Variants in EXD1 observed in about 807,000 individuals in gnomAD.
The protein encoded by EXD1 is piRNA biogenesis protein EXD1.
A neutral mutation model predicts 49.1 loss-of-function variants in EXD1; 63 were observed. The ratio of observed to expected loss-of-function variants is 1.28; its 90% CI spans 1.05 to 1.58. The LOEUF (loss-of-function observed/expected upper bound fraction) is 1.58. EXD1 is among the 40% of genes most tolerant of loss of function. The pLI is 0.00. For missense variants in EXD1, 748 were observed against 666.0 expected, an observed-to-expected ratio of 1.12 and a Z score of -1.36; for synonymous variants, 234 against 239.2, an observed-to-expected ratio of 0.98 and a Z score of 0.20.
In EXD1 at chr15:41,191,425, A is replaced by G; in HGVS notation, c.864+17T>C. ...TTGAAAAAAAATAATGTCATACAGG[A>G]CATCCTTTACACCCACCTGAATTAG... On this transcript the variant is annotated intron_variant, in intron 10 of 11. Transcript: ENST00000458580. 1.4e-6 allele frequency: 2 copies of G among 1,448,926 alleles called. No individual in the cohort carries two copies. Among genetic ancestry groups the G allele is most frequent in the East Asian group, 5.1e-5 (2 of 39,562 alleles). 89.8% of individuals were successfully genotyped at this position (1,448,926 alleles called of 1,614,324 possible).
chr15:41,189,794 G>T, intron 11 of EXD1, 143 bp downstream of exon 11: 1 of 706,768 alleles, frequency 1.4e-6, no homozygotes, highest in Non-Finnish European at 2.4e-6. Context: ...GATGGATCAT[G>T]CCCAAGCTGT....
chr15:41,230,230 C>T (rs1194763716), intron 1 of EXD1, among the ~76,000 whole-genome samples: 18 of 151,850 alleles, frequency 1.2e-4, no homozygotes, highest in African/African-American at 4.1e-4. Flanking sequence ...ATTACAGGCA[C>T]GCGGCACCAC....
intron 9 of EXD1, among the ~76,000 whole-genome samples, chr15:41,194,541 T>C (rs755374142): frequency 3.9e-5 from 6 of 152,210 alleles, no homozygotes; most frequent in Non-Finnish European, 8.8e-5. Flanking sequence ...GACTTTAGCC[T>C]AGTGAAAATG....
chr15:41,201,468 T>G (rs1370981627), intron 7 of EXD1, among the ~76,000 whole-genome samples: 1 of 150,038 alleles, frequency 6.7e-6, no homozygotes, highest in African/African-American at 2.4e-5. Context: ...CAATTTTATA[T>G]AATTTAAGAA....
chr15:41,203,772 C>T (rs1292835366), intron 7 of EXD1, among the ~76,000 whole-genome samples: 2 of 151,570 alleles, frequency 1.3e-5, no homozygotes, highest in African/African-American at 4.9e-5. Context: ...TAAACATTAG[C>T]CGGGCGTGGT....
intron 9 of EXD1, among the ~76,000 whole-genome samples, chr15:41,193,720 TG>T (rs1480728681): frequency 6.6e-6 from 1 of 151,122 alleles, no homozygotes; most frequent in Non-Finnish European, 1.5e-5. Flanking sequence ...CACTCCAGCC[TG>T]GGCAACAGAG....
intron 7 of EXD1, among the ~76,000 whole-genome samples, chr15:41,206,578 G>A (rs2140871330): frequency 6.9e-6 from 1 of 145,666 alleles, no homozygotes; most frequent in East Asian, 2.1e-4. Context: ...TTTGTAAACT[G>A]TAAAGTACTG....
At chr15:41,219,498 T>A (rs2140900044) in intron 3 of EXD1, 1 of 212,670 alleles carries the variant, frequency 4.7e-6, no homozygotes, top group South Asian at 1.2e-4. Context: ...TTCTGAGACA[T>A]TTGGCCCCAA....
At chr15:41,223,899 T>A (rs2047125612) in intron 2 of EXD1, among the ~76,000 whole-genome samples, 1 of 152,070 alleles carries the variant, frequency 6.6e-6, no homozygotes, top group African/African-American at 2.4e-5. Flanking sequence ...TTAAAAATAA[T>A]TTTTCTACAG....
chr15:41,186,186 A>C (rs752362563), intron 11 of EXD1, among the ~76,000 whole-genome samples: 4 of 152,072 alleles, frequency 2.6e-5, no homozygotes, highest in Non-Finnish European at 4.4e-5. Flanking sequence ...TGTAGATTGC[A>C]ATAGTCAGGA....
chr15:41,198,913 T>A (rs980157036), intron 7 of EXD1, among the ~76,000 whole-genome samples: 1 of 151,072 alleles, frequency 6.6e-6, no homozygotes, highest in African/African-American at 2.4e-5. Context: ...GGTGATCCAC[T>A]CACCTAGGCC....
At chr15:41,206,341 G>T (rs943942192) in intron 7 of EXD1, among the ~76,000 whole-genome samples, 2 of 151,760 alleles carry the variant, frequency 1.3e-5, no homozygotes, top group Admixed American at 1.3e-4. Context: ...GTAGAGGTGA[G>T]TGCCTGTAAT....
intron 6 of EXD1, among the ~76,000 whole-genome samples, chr15:41,211,187 C>A (rs2046915982): frequency 6.6e-6 from 1 of 152,142 alleles, no homozygotes. Context: ...CTTTAGCTTC[C>A]TGCAGCTTCG....
chr15:41,201,065 G>C (rs1239899573), intron 7 of EXD1, among the ~76,000 whole-genome samples: 1 of 151,874 alleles, frequency 6.6e-6, no homozygotes, highest in African/African-American at 2.4e-5. Context: ...GTAGAGACAG[G>C]GTTTCACCAT....
intron 5 of EXD1, among the ~76,000 whole-genome samples, chr15:41,216,321 G>A (rs60884066): frequency 0.16 from 23,461 of 149,970 alleles, 3,445 homozygotes; most frequent in African/African-American, 0.39. Flanking sequence ...AAAAAAAAGA[G>A]AGAGAGAGCC....
chr15:41,187,633 T>C (rs1041808582), intron 11 of EXD1, among the ~76,000 whole-genome samples: 12 of 152,170 alleles, frequency 7.9e-5, no homozygotes, highest in Admixed American at 2.6e-4. Flanking sequence ...TCTACTGAAA[T>C]GTATGATTTT....
chr15:41,220,613 CA>C (rs1285088454), intron 2 of EXD1, among the ~76,000 whole-genome samples: 1 of 152,060 alleles, frequency 6.6e-6, no homozygotes. Flanking sequence ...GCTACACACT[CA>C]AAAGTACTAT....
At chr15:41,191,698 C>G in intron 9 of EXD1, 113 bp from the exon 10 acceptor site, 1 of 947,370 alleles carries the variant, frequency 1.1e-6, no homozygotes, top group Non-Finnish European at 1.5e-6. Flanking sequence ...AGGACCCACA[C>G]GATAGACCAT....
intron 3 of EXD1, among the ~76,000 whole-genome samples, chr15:41,218,382 G>C (rs192777453): frequency 1.3e-5 from 2 of 151,080 alleles, no homozygotes; most frequent in Admixed American, 6.6e-5. Flanking sequence ...AGCTCCTGGG[G>C]AGGATGATGC....
Sources: gnomAD v4.1 joint callset for allele counts (sites outside exome capture counted in the v4.1 genomes callset) on GRCh38, gnomAD v4.1.1 for gene constraint, MANE v1.5 for transcripts, NCBI Gene and HGNC (gene_info 2026-07-23, HGNC 2026-07-21) for gene names.